The following ZNF10 variants were observed in gnomAD, a reference collection of about 807,000 sequenced individuals.
The protein encoded by ZNF10 is zinc finger protein 10.
In ZNF10, 8 loss-of-function variants were observed where a neutral mutation model predicts 12.2. That is an observed-to-expected ratio of 0.66 (90% confidence interval 0.39 to 1.18). ZNF10 has a LOEUF of 1.18. ZNF10 is among the 50% of genes most tolerant of loss of function. The probability of loss-of-function intolerance (pLI) is 0.01; values close to 1 mark genes in which losing one functional copy is unlikely to be tolerated. For synonymous variants in ZNF10, 229 were observed against 228.2 expected, an observed-to-expected ratio of 1.00 and a Z score of -0.03; for missense variants, 603 against 678.9, an observed-to-expected ratio of 0.89 and a Z score of 1.24.
intron 1 of ZNF10, among the ~76,000 whole-genome samples, chr12:133,138,680 A>G (rs1252693474): frequency 1.3e-5 from 2 of 152,320 alleles, no homozygotes; most frequent in East Asian, 3.9e-4. Context: ...TCCTGTAAGT[A>G]ATTTTTTTCA....
chr12:133,153,476 T>G (rs1422891310), intron 4 of ZNF10, among the ~76,000 whole-genome samples: 1 of 152,204 alleles, frequency 6.6e-6, no homozygotes, highest in African/African-American at 2.4e-5. Context: ...ATAGATATTC[T>G]TCATAGAATC....
At chr12:133,153,935 A>C (rs1956023646) in intron 4 of ZNF10, among the ~76,000 whole-genome samples, 1 of 152,144 alleles carries the variant, frequency 6.6e-6, no homozygotes, top group African/African-American at 2.4e-5. Context: ...CTCCATGTTC[A>C]CATGGTCTCT....
chr12:133,146,813 T>TGGCA (rs1955978795), intron 2 of ZNF10, among the ~76,000 whole-genome samples: 1 of 151,722 alleles, frequency 6.6e-6, no homozygotes, highest in Admixed American at 6.6e-5. Context: ...GCCACTTCAC[T>TGGCA]CTACCCTAGG....
chr12:133,154,365 GGTA>G (rs878920369), intron 4 of ZNF10, among the ~76,000 whole-genome samples: 5 of 152,106 alleles, frequency 3.3e-5, no homozygotes, highest in Admixed American at 2.6e-4. Context: ...CACATCTTGT[GGTA>G]GTAGTCCTAT....
chr12:133,148,857 A>G (rs1254831252), intron 2 of ZNF10, among the ~76,000 whole-genome samples: 1 of 149,020 alleles, frequency 6.7e-6, no homozygotes, highest in Non-Finnish European at 1.5e-5. Flanking sequence ...TGTTCAAGCG[A>G]TTCTCCTGCC....
chr12:133,150,946 A>C (rs1956003264), intron 2 of ZNF10, 82 bp from the exon 3 acceptor site: 2 of 1,517,640 alleles, frequency 1.3e-6, no homozygotes, highest in Non-Finnish European at 1.8e-6. Context: ...TGTCAGCTTA[A>C]TTTCTCTTCC....
At chr12:133,131,911 A>G (rs146779548) in intron 1 of ZNF10, among the ~76,000 whole-genome samples, 130 of 152,342 alleles carry the variant, frequency 8.5e-4, no homozygotes, top group African/African-American at 2.9e-3. Flanking sequence ...ATTTAAGTAG[A>G]TATGAGGCTT....
Position 133,157,165 on chromosome 12 carries a change from CT to C in ZNF10, c.*201del. ...GTACACAAATCCATCAGATTTTCTT[CT>C]TTTCATGAATTCCTACAGAAGTAAT... On this transcript the variant is annotated 3_prime_UTR_variant, in exon 5 of 5. Transcript: ENST00000248211. 2 of 452,540 alleles carry C rather than the reference CT, an allele frequency of 4.4e-6. No individual in the cohort carries two copies. The highest frequency in any genetic ancestry group is 7.1e-6 in the Non-Finnish European group (2 of 280,228). The allele number at this position is 452,540 out of a possible 1,614,324, so 28.0% of individuals were successfully genotyped here.
chr12:133,131,598 C>A (rs929240925), intron 1 of ZNF10, among the ~76,000 whole-genome samples: 7 of 152,126 alleles, frequency 4.6e-5, no homozygotes, highest in African/African-American at 1.4e-4. Flanking sequence ...ACAAATCCTC[C>A]CTACCCTTTT....
rs1956059628 is a variant in ZNF10 at position 133,159,327 on chromosome 12, C to A, written c.*2359C>A. 1 of 152,142 alleles carries A rather than the reference C, an allele frequency of 6.6e-6. No individual in the cohort carries two copies. Among genetic ancestry groups the A allele is most frequent in the Admixed American group, 6.5e-5 (1 of 15,276 alleles). 9.4% of individuals were successfully genotyped at this position (152,142 alleles called of 1,614,324 possible). A position where few individuals can be genotyped will look rare whatever the true frequency, so the allele number is the denominator to read the frequency against. On this transcript the variant is annotated 3_prime_UTR_variant, in exon 5 of 5. Transcript: ENST00000248211. ...CATATCCGTGTAATGGAAGATTATG[C>A]AGGCATTAAAATATGTACACAAAAA...
chr12:133,155,648 C>T lies in ZNF10; in HGVS notation c.402C>T (p.Asp134=), dbSNP rs968665904. The change falls in exon 5 of 5, where the codon GAC becomes GAT. Residue 134 remains aspartate (D), a synonymous_variant. Coordinates refer to ENST00000248211, the MANE Select transcript of ZNF10 (RefSeq NM_015394.5). ...LSLEEVWKCR[D]QLDKYQENPE... ...TAGAAGAAGTCTGGAAATGTAGAGA[C>T]CAGTTAGACAAGTATCAGGAAAACC... 6.2e-6 allele frequency: 10 copies of T among 1,613,760 alleles called. No homozygotes were observed. Among genetic ancestry groups the T allele is most frequent in the Non-Finnish European group, 8.5e-6 (10 of 1,179,962 alleles).
chr12:133,144,546 A>G, intron 2 of ZNF10, 21 bp downstream of exon 2: 1 of 1,612,546 alleles, frequency 6.2e-7, no homozygotes, highest in Non-Finnish European at 8.5e-7. Flanking sequence ...CTTTCTTCCC[A>G]GTTTCCAACT....
intron 1 of ZNF10, among the ~76,000 whole-genome samples, chr12:133,135,413 C>A (rs938423238): frequency 7.3e-6 from 1 of 137,408 alleles, no homozygotes; most frequent in Non-Finnish European, 1.5e-5. Flanking sequence ...TGCTGGACAT[C>A]ATCAGGCAGA....
intron 2 of ZNF10, among the ~76,000 whole-genome samples, chr12:133,147,616 T>TG (rs1281549742): frequency 1.3e-5 from 2 of 149,320 alleles, no homozygotes; most frequent in East Asian, 1.9e-4. Context: ...GAGTTTTTTT[T>TG]TTTTTTTTTT....
chr12:133,142,735 T>C (rs1265912413), intron 1 of ZNF10, among the ~76,000 whole-genome samples: 1 of 152,148 alleles, frequency 6.6e-6, no homozygotes, highest in African/African-American at 2.4e-5. Flanking sequence ...AATATGCATA[T>C]ATATTCCTGG....
At chr12:133,151,295 C>A in intron 3 of ZNF10, 141 bp downstream of exon 3, 1 of 860,044 alleles carries the variant, frequency 1.2e-6, no homozygotes, top group Non-Finnish European at 1.6e-6. Context: ...GGTTTTTTTA[C>A]TCCAGCTTTT....
chr12:133,152,538 C>T (rs1424805948), intron 4 of ZNF10, among the ~76,000 whole-genome samples: 1 of 152,168 alleles, frequency 6.6e-6, no homozygotes, highest in Admixed American at 6.5e-5. Context: ...CCTTAGCCTC[C>T]CAAAGAACCA....
chr12:133,137,752 A>G (rs61951786), intron 1 of ZNF10, among the ~76,000 whole-genome samples: 28,229 of 152,152 alleles, frequency 0.19, 3,363 homozygotes, highest in Non-Finnish European at 0.26. Flanking sequence ...AGCTAGGAAT[A>G]TAAGTGTTCG....
intron 2 of ZNF10, among the ~76,000 whole-genome samples, chr12:133,147,628 TG>T (rs1318312347): frequency 1.3e-5 from 2 of 149,914 alleles, no homozygotes. Flanking sequence ...TTTTTTTTTT[TG>T]GGAGACGGAG....
Sources: gnomAD v4.1 joint callset for allele counts (sites outside exome capture counted in the v4.1 genomes callset) on GRCh38, gnomAD v4.1.1 for gene constraint, MANE v1.5 for transcripts, NCBI Gene and HGNC (gene_info 2026-07-23, HGNC 2026-07-21) for gene names.